VLDLR: variants seen among roughly 807,000 people sequenced by gnomAD.
VLDLR encodes very low density lipoprotein receptor.
A neutral mutation model predicts 112.7 loss-of-function variants in VLDLR; 81 were observed. The ratio of observed to expected loss-of-function variants is 0.72; its 90% CI spans 0.60 to 0.86. The LOEUF (loss-of-function observed/expected upper bound fraction) is 0.86. Among genes scored for constraint, VLDLR ranks in the 40% least tolerant of loss-of-function variants. The pLI is 0.00. For synonymous variants in VLDLR, 436 were observed against 384.8 expected (o/e 1.13, Z -1.56); for missense variants, 1,237 against 1,099.4 (o/e 1.13, Z -1.77).
chr9:2,638,814 C>T (rs1817709196), intron 2 of VLDLR, among the ~76,000 whole-genome samples: 2 of 152,322 alleles, frequency 1.3e-5, no homozygotes, highest in South Asian at 2.1e-4. Context: ...GCTATTTTAA[C>T]ATTAGCAGGC....
chr9:2,652,032 C>T (rs1818374362), intron 17 of VLDLR, 78 bp downstream of exon 17: 1 of 1,375,802 alleles, frequency 7.3e-7, no homozygotes, highest in Non-Finnish European at 1.0e-6. Context: ...TCTGGAGCTA[C>T]CCCTTTCATG....
chr9:2,637,742 C>T (rs1256887423), intron 2 of VLDLR, among the ~76,000 whole-genome samples: 3 of 152,130 alleles, frequency 2.0e-5, no homozygotes, highest in African/African-American at 7.2e-5. Context: ...GAGATCGAGA[C>T]CACCCTGGCT....
In VLDLR at chr9:2,646,443, G is replaced by C; in HGVS notation, c.1594G>C (p.Ala532Pro). The C allele has an allele frequency of 6.2e-7, 1 of 1,613,998 alleles. No individual in the cohort carries two copies. Among genetic ancestry groups the C allele is most frequent in the East Asian group, 2.2e-5 (1 of 44,902 alleles). The change falls in exon 11 of 19, where the codon GCG (alanine) becomes CCG (proline). Residue 532 changes from alanine to proline, a missense_variant. Transcript: ENST00000382100. ...WVYKTIYWTD[A>P]ASKTISVATL... is the part of the protein sequence containing the mutation. ...GTACAAGACCATCTACTGGACTGATGCGGCTTCTAAGACTATTTCAGTAGC... is the reference window on the plus strand; with the variant it reads ...GTACAAGACCATCTACTGGACTGATCCGGCTTCTAAGACTATTTCAGTAGC...
intron 11 of VLDLR, among the ~76,000 whole-genome samples, chr9:2,646,977 A>C (rs1047173055): frequency 5.9e-5 from 9 of 152,202 alleles, no homozygotes; most frequent in African/African-American, 2.2e-4. Context: ...TAAGTGTGCA[A>C]GTTGTCTGAA....
At chr9:2,644,466 G>A (rs965659035) in intron 7 of VLDLR, among the ~76,000 whole-genome samples, 1 of 151,764 alleles carries the variant, frequency 6.6e-6, no homozygotes, top group African/African-American at 2.4e-5. Context: ...ACCGCGCCCG[G>A]CCCAAACTAG....
chr9:2,648,687 G>C lies in VLDLR; in HGVS notation c.1981G>C (p.Asp661His). 6.2e-7 allele frequency: 1 copy of C among 1,614,210 alleles called. No homozygotes were observed. The highest frequency in any genetic ancestry group is 8.5e-7 in the Non-Finnish European group (1 of 1,180,028). Residue 661 changes from aspartate (D) to histidine (H), a missense_variant, in exon 14 of 19, where the codon GAT becomes CAT. Physicochemically the swap from Asp to His is moderately conservative, Grantham distance 81. Coordinates refer to ENST00000382100, the MANE Select transcript of VLDLR (RefSeq NM_003383.5). ...TIFEDRVYWI[D>H]GENEAVYGAN... Reference sequence around the variant, plus strand: ...GTTTTAGGATCGTGTCTACTGGATAGATGGGGAAAATGAAGCAGTCTATGG... The same window carrying C: ...GTTTTAGGATCGTGTCTACTGGATACATGGGGAAAATGAAGCAGTCTATGG...
rs895289031 is a variant in VLDLR at position 2,657,958 on chromosome 9, A to G, written c.*4090A>G. ...AAAATTGTACATCCATGCTTCAGCC[A>G]TATCATGGGCCTAAACTATGAGAGT... On this transcript the variant is annotated 3_prime_UTR_variant, in exon 19 of 19. Transcript: ENST00000382100. The G allele has an allele frequency of 4.6e-5, 7 of 152,256 alleles. No homozygotes were observed. The highest frequency in any genetic ancestry group is 7.3e-5 in the Non-Finnish European group (5 of 68,046). The allele number at this position is 152,256 out of a possible 1,614,324, so 9.4% of individuals were successfully genotyped here.
At position 2,643,128 on chromosome 9, in the gene VLDLR, C is replaced by A. The variant is rs754437255; in HGVS notation, c.449-32C>A. The A allele has an allele frequency of 1.9e-6, 3 of 1,603,678 alleles. No individual in the cohort carries two copies. The East Asian group carries it at 6.7e-5, about 36-fold the overall frequency. On this transcript the variant is annotated intron_variant, in intron 4 of 18. Coordinates refer to ENST00000382100, the MANE Select transcript of VLDLR (RefSeq NM_003383.5). ...AATCTTGAACGGACCAATCTTGATG[C>A]ATTTTCAGTGGGGCATCCTCTCTCT...
chr9:2,648,037 T>C (rs1818149899), intron 12 of VLDLR, among the ~76,000 whole-genome samples, 171 bp from the exon 13 acceptor site: 1 of 152,220 alleles, frequency 6.6e-6, no homozygotes, highest in Admixed American at 6.5e-5. Flanking sequence ...TCCCCAAAAA[T>C]GAACGTGGAT....
chr9:2,651,185 T>G (rs1389427245), intron 15 of VLDLR, among the ~76,000 whole-genome samples: 6 of 152,214 alleles, frequency 3.9e-5, no homozygotes, highest in Non-Finnish European at 8.8e-5. Flanking sequence ...TCCATCATTT[T>G]GAATTGTCAA....
At chr9:2,627,366 G>C (rs1046641967) in intron 1 of VLDLR, among the ~76,000 whole-genome samples, 1 of 152,112 alleles carries the variant, frequency 6.6e-6, no homozygotes, top group Non-Finnish European at 1.5e-5. Flanking sequence ...ATGGATTACT[G>C]CCAGTATTAC....
chr9:2,655,648 A>T lies in VLDLR; in HGVS notation c.*1780A>T, dbSNP rs1224212079. 6.6e-6 allele frequency: 1 copy of T among 152,118 alleles called. No individual in the cohort carries two copies. The highest frequency in any genetic ancestry group is 1.9e-4 in the East Asian group (1 of 5,196). 9.4% of individuals were successfully genotyped at this position (152,118 alleles called of 1,614,324 possible). On this transcript the variant is annotated 3_prime_UTR_variant, in exon 19 of 19. Transcript: ENST00000382100. ...GAAGTTGGTTCTGTTGTCTTAAGGGATGCCCCCTTGTGATTTTGGTCAACT... is the reference window on the plus strand; with the variant it reads ...GAAGTTGGTTCTGTTGTCTTAAGGGTTGCCCCCTTGTGATTTTGGTCAACT...
intron 1 of VLDLR, among the ~76,000 whole-genome samples, chr9:2,623,245 T>G (rs1586629081): frequency 1.3e-5 from 2 of 152,144 alleles, no homozygotes; most frequent in Admixed American, 1.3e-4. Context: ...CCCCGCCTGG[T>G]CGTCAGCCAC....
intron 1 of VLDLR, among the ~76,000 whole-genome samples, chr9:2,626,502 T>G (rs1298411887): frequency 6.6e-6 from 1 of 152,180 alleles, no homozygotes. Flanking sequence ...TAGGAAAGCT[T>G]GGGCCCAACA....
Position 2,645,632 on chromosome 9 carries a change from G to C in VLDLR, c.1371G>C (p.Glu457Asp), listed in dbSNP as rs1310420425. The C allele has an allele frequency of 1.9e-6, 3 of 1,614,214 alleles. No homozygotes were observed. The African/African-American group carries it at 4.0e-5, about 22-fold the overall frequency. ...NRRDIRKIGL[E>D]RKEYIQLVEQ... ...GAGACATCAGGAAGATTGGCTTAGA[G>C]AGGAAAGAATATATCCAACTAGTTG... The change falls in exon 10 of 19, where the codon GAG becomes GAC. Residue 457 changes from glutamate to aspartate, a missense_variant. Coordinates refer to ENST00000382100, the MANE Select transcript of VLDLR (RefSeq NM_003383.5).
intron 2 of VLDLR, among the ~76,000 whole-genome samples, chr9:2,637,324 T>C (rs1299467064): frequency 6.6e-6 from 1 of 152,232 alleles, no homozygotes; most frequent in Admixed American, 6.5e-5. Flanking sequence ...TCAATGGGCA[T>C]AGTCAACTTA....
intron 17 of VLDLR, among the ~76,000 whole-genome samples, chr9:2,652,425 A>G (rs956537980): frequency 2.6e-5 from 4 of 152,192 alleles, no homozygotes; most frequent in Non-Finnish European, 4.4e-5. Context: ...GGACTTTGCT[A>G]TAAAAACCTT....
At chr9:2,625,443 GAA>G (rs1463395419) in intron 1 of VLDLR, among the ~76,000 whole-genome samples, 1 of 152,178 alleles carries the variant, frequency 6.6e-6, no homozygotes, top group African/African-American at 2.4e-5. Context: ...TCAGTGCAGG[GAA>G]AAGTGTTTAA....
intron 1 of VLDLR, among the ~76,000 whole-genome samples, chr9:2,629,610 G>A (rs960705656): frequency 2.0e-5 from 3 of 152,224 alleles, no homozygotes; most frequent in Non-Finnish European, 4.4e-5. Context: ...AAGTCTTAGA[G>A]CAGTGTTTGA....
Sources: gnomAD v4.1 joint callset for allele counts (sites outside exome capture counted in the v4.1 genomes callset) on GRCh38, gnomAD v4.1.1 for gene constraint, MANE v1.5 for transcripts, NCBI Gene and HGNC (gene_info 2026-07-23, HGNC 2026-07-21) for gene names.